Variants in PRKCQ observed in about 807,000 individuals in gnomAD.
PRKCQ encodes the protein protein kinase C theta, also known as protein kinase C theta type.
PRKCQ carries 41 observed loss-of-function variants against 91.2 expected under a neutral mutation model. The ratio of observed to expected loss-of-function variants is 0.45; its 90% CI spans 0.35 to 0.58. The LOEUF is 0.58. Ranked by LOEUF, PRKCQ falls within the 20% of genes least tolerant of loss-of-function variation. The probability of loss-of-function intolerance (pLI) is 0.00; values close to 1 mark genes in which losing one functional copy is unlikely to be tolerated. For missense variants in PRKCQ, 673 were observed against 896.5 expected (o/e 0.75, Z 3.18); for synonymous variants, 307 against 316.9 (o/e 0.97, Z 0.33).
At chr10:6,439,984 G>C (rs117704096) in intron 16 of PRKCQ, among the ~76,000 whole-genome samples, 2,116 of 152,212 alleles carry the variant, frequency 0.014, 23 homozygotes, top group Middle Eastern at 0.071. Flanking sequence ...TGTGTCACGG[G>C]AGGGACTCGA....
rs192703327 is a variant in PRKCQ, at chr10:6,515,142, G to A, written c.-7C>T. The A allele has an allele frequency of 3.7e-5, 59 of 1,612,336 alleles. No homozygotes were observed. The African/African-American group carries it at 4.5e-4, about 12-fold the overall frequency. On this transcript the variant is annotated splice_region_variant and 5_prime_UTR_variant, in exon 2 of 18. Transcript: ENST00000263125. ...TCCGAAGAAATGGCGACATGGTTGC[G>A]CCCTGGAAAAAGACAAAAGACAAAC...
At chr10:6,553,468 TGACAGAGCAAGACCCTGTCTC>T (rs1840268427) in intron 1 of PRKCQ, among the ~76,000 whole-genome samples, 1 of 135,622 alleles carries the variant, frequency 7.4e-6, no homozygotes, top group African/African-American at 2.9e-5. Context: ...CCAGCCTGGG[TGACAGAGCAAGACCCTGTCTC>T]AAAAAAAAAA....
intron 3 of PRKCQ, among the ~76,000 whole-genome samples, chr10:6,510,778 T>C (rs1838429768): frequency 6.6e-6 from 1 of 152,176 alleles, no homozygotes; most frequent in South Asian, 2.1e-4. Context: ...CTACATCTCT[T>C]TGATGTAGGC....
intron 16 of PRKCQ, among the ~76,000 whole-genome samples, chr10:6,440,918 G>A (rs962092270): frequency 1.3e-5 from 2 of 152,164 alleles, no homozygotes; most frequent in Non-Finnish European, 2.9e-5. Context: ...AACCTGGGAG[G>A]TGGAGGTTGC....
At chr10:6,521,922 GTTAT>G (rs71379861) in intron 1 of PRKCQ, among the ~76,000 whole-genome samples, 162 of 63,262 alleles carry the variant, frequency 2.6e-3, no homozygotes, top group African/African-American at 5.1e-3. Flanking sequence ...GTTATGTTAT[GTTAT>G]TTATTTATTT....
chr10:6,456,532 TG>T (rs1564313156), intron 15 of PRKCQ, 141 bp downstream of exon 15: 5 of 1,034,494 alleles, frequency 4.8e-6, no homozygotes, highest in African/African-American at 1.6e-5. Context: ...ACATGCATGG[TG>T]GCGTTTATGA....
chr10:6,554,045 A>G (rs111796497), intron 1 of PRKCQ, among the ~76,000 whole-genome samples: 11 of 152,226 alleles, frequency 7.2e-5, no homozygotes, highest in African/African-American at 2.4e-4. Context: ...AGTAGGGAAG[A>G]AAGACTAATT....
chr10:6,475,231 T>C, intron 12 of PRKCQ, among the ~76,000 whole-genome samples: 1 of 152,142 alleles, frequency 6.6e-6, no homozygotes, highest in East Asian at 1.9e-4. Context: ...GACGGTGCCG[T>C]CCCATTAGGG....
chr10:6,411,642 G>T, the PRKCQ span, among the ~76,000 whole-genome samples: 2 of 152,192 alleles, frequency 1.3e-5, no homozygotes, highest in Non-Finnish European at 2.9e-5. Context: ...TATTGGCCGT[G>T]ACTGTTTTTG....
At chr10:6,532,222 G>A (rs1164179556) in intron 1 of PRKCQ, among the ~76,000 whole-genome samples, 2 of 152,170 alleles carry the variant, frequency 1.3e-5, no homozygotes. Flanking sequence ...CAGTGGCCGG[G>A]TGAAATGCTC....
In PRKCQ at chr10:6,446,045, G is replaced by A. The variant is rs371709329; in HGVS notation, c.1648-3964C>T. Among the ~76,000 whole-genome samples the A allele has an allele frequency of 7.9e-5, 12 of 152,320 alleles. No individual in the cohort carries two copies. The East Asian group carries it at 2.1e-3, about 27-fold the overall frequency. On this transcript the variant is annotated intron_variant, in intron 15 of 17. Coordinates refer to ENST00000263125, the MANE Select transcript of PRKCQ (RefSeq NM_006257.5). ...AATTTCAGTTTTACCTTAGGAGGAA[G>A]AAGTAAAACGCAAACTCACACGTGC...
chr10:6,570,389 G>A (rs892936116), intron 1 of PRKCQ, among the ~76,000 whole-genome samples: 2 of 152,010 alleles, frequency 1.3e-5, no homozygotes, highest in African/African-American at 4.8e-5. Flanking sequence ...ACAGAAGGAA[G>A]GGATTTAAGC....
At chr10:6,514,618 A>G (rs1838659632) in intron 2 of PRKCQ, among the ~76,000 whole-genome samples, 1 of 152,244 alleles carries the variant, frequency 6.6e-6, no homozygotes, top group South Asian at 2.1e-4. Context: ...AGCAGTCTTT[A>G]GAGTTGGTTG....
At chr10:6,512,871 G>A (rs1003604241) in intron 2 of PRKCQ, among the ~76,000 whole-genome samples, 4 of 151,920 alleles carry the variant, frequency 2.6e-5, no homozygotes, top group Non-Finnish European at 5.9e-5. Flanking sequence ...TTTTTTGTGG[G>A]TTGGTAAAAA....
chr10:6,541,493 G>A (rs1839773309), intron 1 of PRKCQ, among the ~76,000 whole-genome samples: 1 of 152,082 alleles, frequency 6.6e-6, no homozygotes, highest in Non-Finnish European at 1.5e-5. Flanking sequence ...TGAAGGAATT[G>A]TTGCCCCCTA....
rs1841258730 is a variant in PRKCQ at position 6,576,896 on chromosome 10, A to T, written c.-10+3315T>A. ...CAGTTTCCTCATCTGAAAAACTGGA[A>T]TAATAATAATATCTAATTTATAAAG... On this transcript the variant is annotated intron_variant, in intron 1 of 17. Coordinates refer to ENST00000263125, the MANE Select transcript of PRKCQ (RefSeq NM_006257.5). This position sits in a 1 kb window ranked among gnomAD's most constrained non-coding sequence, Gnocchi z 4.2. Among the ~76,000 whole-genome samples, 1 of 151,998 alleles carries T rather than the reference A, an allele frequency of 6.6e-6. No individual in the cohort carries two copies. Among genetic ancestry groups the T allele is most frequent in the South Asian group, 2.1e-4 (1 of 4,824 alleles).
intron 17 of PRKCQ, among the ~76,000 whole-genome samples, chr10:6,429,254 T>C (rs931603139): frequency 6.6e-6 from 1 of 152,210 alleles, no homozygotes; most frequent in African/African-American, 2.4e-5. Flanking sequence ...GTGCAAAATA[T>C]TAAGTCAATT....
At chr10:6,536,555 A>T (rs1441680818) in intron 1 of PRKCQ, among the ~76,000 whole-genome samples, 1 of 152,170 alleles carries the variant, frequency 6.6e-6, no homozygotes, top group Non-Finnish European at 1.5e-5. Flanking sequence ...TAATAGTAAA[A>T]TACGATTTTA....
At chr10:6,519,227 A>G (rs1177461873) in intron 1 of PRKCQ, among the ~76,000 whole-genome samples, 7 of 152,320 alleles carry the variant, frequency 4.6e-5, no homozygotes, top group East Asian at 3.9e-4. Flanking sequence ...TTCTGTAGAC[A>G]AAAATATGTG....
Sources: allele counts gnomAD v4.1 joint callset (sites outside exome capture counted in the v4.1 genomes callset), GRCh38; gene constraint gnomAD v4.1.1; non-coding constraint Gnocchi (gnomAD v3.1); transcripts MANE v1.5; gene names NCBI Gene and HGNC (gene_info 2026-07-23, HGNC 2026-07-21).